The following INTS6L variants were observed in gnomAD, a reference collection of about 807,000 sequenced individuals.
INTS6L encodes integrator complex subunit 6-like.
A neutral mutation model predicts 64.7 loss-of-function variants in INTS6L; 18 were observed. The ratio of observed to expected loss-of-function variants is 0.28; its 90% CI spans 0.19 to 0.41. The LOEUF (loss-of-function observed/expected upper bound fraction) is 0.41. Ranked by LOEUF, INTS6L falls within the 10% of genes least tolerant of loss-of-function variation. The pLI is 1.00. For synonymous variants in INTS6L, 227 were observed against 235.9 expected (o/e 0.96, Z 0.34); for missense variants, 533 against 661.0 (o/e 0.81, Z 2.12).
At position 135,558,917 on chromosome X, in the gene INTS6L, C is replaced by G. The variant is rs1390181811; in HGVS notation, c.1192+2617C>G. On this transcript the variant is annotated intron_variant, in intron 9 of 17. Transcript: ENST00000639893. The stretch of plus-strand genomic sequence containing the variant: ...TCTCCCGCCTCAGCCTCCCAAGTAG[C>G]TTGGATTACAGGTGCGCACCACCAC... 2.8e-5 allele frequency among the ~76,000 whole-genome samples: 3 copies of G among 108,185 alleles called. No individual in the cohort carries two copies. The East Asian group carries it at 8.7e-4, about 31-fold the overall frequency. 93.9% of individuals were successfully genotyped at this position (108,185 alleles called of 115,157 possible).
intron 8 of INTS6L, 71 bp downstream of exon 8, chrX:135,552,217 C>T: frequency 9.7e-7 from 1 of 1,027,110 alleles, no homozygotes; most frequent in South Asian, 3.1e-5. Context: ...TAAGAAGCTT[C>T]AAAGGTTATT....
chrX:135,556,024 A>T, intron 8 of INTS6L, 144 bp from the exon 9 acceptor site: 4 of 584,009 alleles, frequency 6.8e-6, no homozygotes, highest in Non-Finnish European at 9.9e-6. Context: ...ATATTTTGAC[A>T]TAACCATAGG....
chrX:135,563,792 A>C (rs183551241), intron 9 of INTS6L, among the ~76,000 whole-genome samples: 1 of 107,879 alleles, frequency 9.3e-6, no homozygotes, highest in East Asian at 2.9e-4. Flanking sequence ...TTTAATTCTA[A>C]TTGTTCTTCC....
At chrX:135,553,226 G>T (rs185360418) in intron 8 of INTS6L, among the ~76,000 whole-genome samples, 48 of 111,661 alleles carry the variant, frequency 4.3e-4, no homozygotes, top group Non-Finnish European at 7.7e-4. Flanking sequence ...TTCTCTTGGG[G>T]GGATGCAAGG....
intron 12 of INTS6L, 61 bp from the exon 13 acceptor site, chrX:135,573,878 A>G (rs2087153618): frequency 3.7e-6 from 4 of 1,088,275 alleles, no homozygotes; most frequent in East Asian, 3.1e-5. Context: ...AGAGATAAGT[A>G]TGACATTTCT....
chrX:135,549,515 C>A, intron 6 of INTS6L, 127 bp from the exon 7 acceptor site: 1 of 777,420 alleles, frequency 1.3e-6, no homozygotes. Context: ...TTTTCTTCTT[C>A]CATTTTTCAT....
rs189818845 is a variant in INTS6L at position 135,558,055 on chromosome X, T to G, written c.1192+1755T>G. On this transcript the variant is annotated intron_variant, in intron 9 of 17. Transcript: ENST00000639893. ...GGTTAACAAGCATATCAAGAGATGC[T>G]CAACATCACTAATCATTACAGAAAT... Among the ~76,000 whole-genome samples, 98 of 112,019 alleles carry G rather than the reference T, an allele frequency of 8.7e-4. No individual in the cohort carries two copies. The East Asian group carries it at 0.022, about 25-fold the overall frequency.
chrX:135,565,680 A>G lies in INTS6L; in HGVS notation c.1193-3657A>G, dbSNP rs782424926. 2.7e-5 allele frequency among the ~76,000 whole-genome samples: 3 copies of G among 111,777 alleles called. No homozygotes were observed. In the South Asian group the frequency reaches 1.1e-3, roughly 42 times the overall value. ...GCCCAACAGCCTTCTGGATGTTTCA[A>G]GAGTGTCTTCAAGCCAAGCTGAACT... On this transcript the variant is annotated intron_variant, in intron 9 of 17. Coordinates refer to ENST00000639893, the MANE Select transcript of INTS6L (RefSeq NM_001351601.3).
chrX:135,525,975 A>G (rs2085723161), intron 2 of INTS6L, among the ~76,000 whole-genome samples: 1 of 112,182 alleles, frequency 8.9e-6, no homozygotes, highest in South Asian at 3.7e-4. Flanking sequence ...GAAATAAGAA[A>G]AGGAGAGAGT....
In INTS6L at chrX:135,558,759, T is replaced by A. The variant is rs376270337; in HGVS notation, c.1192+2459T>A. On this transcript the variant is annotated intron_variant, in intron 9 of 17. Coordinates refer to ENST00000639893, the MANE Select transcript of INTS6L (RefSeq NM_001351601.3). ...TTAAGATGGTAAGTATTACGTGTTT[T>A]TAAACACAATTTCTTCTTTTCTTTT... 2.4e-4 allele frequency among the ~76,000 whole-genome samples: 27 copies of A among 110,622 alleles called. No homozygotes were observed. The East Asian group carries it at 3.6e-3, about 15-fold the overall frequency.
intron 8 of INTS6L, among the ~76,000 whole-genome samples, chrX:135,553,359 A>T (rs1311570554): frequency 9.1e-6 from 1 of 110,019 alleles, no homozygotes; most frequent in Admixed American, 9.7e-5. Context: ...GTGCAGTAAC[A>T]CAATCTCAGC....
intron 2 of INTS6L, among the ~76,000 whole-genome samples, chrX:135,542,853 C>G (rs1413413213): frequency 9.0e-6 from 1 of 111,714 alleles, no homozygotes; most frequent in Non-Finnish European, 1.9e-5. Context: ...ACTCCAAAAA[C>G]AAGAATCAAT....
At chrX:135,521,792 G>A (rs781894844) in intron 2 of INTS6L, among the ~76,000 whole-genome samples, 7 of 107,345 alleles carry the variant, frequency 6.5e-5, no homozygotes, top group Non-Finnish European at 1.2e-4. Context: ...ACTCCGCCCC[G>A]AGGTCCTGCC....
intron 9 of INTS6L, among the ~76,000 whole-genome samples, chrX:135,563,773 G>A (rs2086860925): frequency 9.3e-6 from 1 of 107,974 alleles, no homozygotes; most frequent in Admixed American, 1.0e-4. Flanking sequence ...TTTCTAATGA[G>A]AAATCTACTT....
chrX:135,562,424 T>C (rs1023064414), intron 9 of INTS6L, among the ~76,000 whole-genome samples: 1 of 112,256 alleles, frequency 8.9e-6, no homozygotes, highest in African/African-American at 3.2e-5. Context: ...GCAAAGCATA[T>C]TTTCTATCTT....
chrX:135,571,664 G>A (rs1234340066), intron 11 of INTS6L: 2 of 111,579 alleles, frequency 1.8e-5, no homozygotes, highest in Admixed American at 1.9e-4. Context: ...GATTTTTTGT[G>A]GTTGTTGTAA....
At chrX:135,541,510 G>T (rs2086218300) in intron 2 of INTS6L, among the ~76,000 whole-genome samples, 1 of 112,156 alleles carries the variant, frequency 8.9e-6, no homozygotes, top group African/African-American at 3.2e-5. Context: ...CACACATCAA[G>T]TGTTAAATAA....
intron 6 of INTS6L, among the ~76,000 whole-genome samples, chrX:135,548,661 T>C (rs2086421817): frequency 9.0e-6 from 1 of 111,022 alleles, no homozygotes; most frequent in Non-Finnish European, 1.9e-5. Context: ...AATTGTGAGC[T>C]CAACTTTGGG....
chrX:135,571,387 A>G (rs1486643253), intron 11 of INTS6L: 1 of 112,356 alleles, frequency 8.9e-6, no homozygotes, highest in Non-Finnish European at 1.9e-5. Flanking sequence ...AGTGGTGATA[A>G]TGCTTCAAGG....
Sources: allele counts gnomAD v4.1 joint callset (sites outside exome capture counted in the v4.1 genomes callset), GRCh38; gene constraint gnomAD v4.1.1; transcripts MANE v1.5; gene names NCBI Gene and HGNC (gene_info 2026-07-23, HGNC 2026-07-21).